Variants in NRXN2 observed in about 807,000 individuals in gnomAD.
NRXN2 encodes neurexin 2.
In NRXN2, 29 loss-of-function variants were observed where a neutral mutation model predicts 128.8. The ratio of observed to expected loss-of-function variants is 0.23; its 90% CI spans 0.17 to 0.31. The LOEUF (loss-of-function observed/expected upper bound fraction) is 0.31. Ranked by LOEUF, NRXN2 falls within the 10% of genes least tolerant of loss-of-function variation. The pLI, the probability that NRXN2 is intolerant of heterozygous loss-of-function variation, is 1.00. For synonymous variants in NRXN2, 1,098 were observed against 1,075.2 expected (o/e 1.02, Z -0.41); for missense variants, 1,881 against 2,452.6 (o/e 0.77, Z 4.92).
rs1241506744 is a variant in NRXN2 at position 64,631,896 on chromosome 11, C to T, written c.3586-1323G>A. On this transcript the variant is annotated intron_variant, in intron 18 of 22. Coordinates refer to ENST00000265459, the MANE Select transcript of NRXN2 (RefSeq NM_015080.4). This position sits in a 1 kb window ranked among gnomAD's most constrained non-coding sequence, Gnocchi z 4.8. ...TCCTGAACGCGGTCTCAGCCCTCCT[C>T]CCACACGGAACAGACACTCACACAG... is the stretch of plus-strand genomic sequence containing the variant. 6.6e-6 allele frequency among the ~76,000 whole-genome samples: 1 copy of T among 152,240 alleles called. No individual in the cohort carries two copies. Among genetic ancestry groups the T allele is most frequent in the East Asian group, 1.9e-4 (1 of 5,202 alleles).
intron 22 of NRXN2, among the ~76,000 whole-genome samples, chr11:64,610,158 C>T (rs904048690): frequency 6.6e-6 from 1 of 152,156 alleles, no homozygotes; most frequent in African/African-American, 2.4e-5. Context: ...TGCTGAGCTC[C>T]CCAGGCTGCT....
chr11:64,674,038 C>CA (rs34895531), intron 7 of NRXN2, among the ~76,000 whole-genome samples: 7,719 of 72,974 alleles, frequency 0.11, 777 homozygotes, highest in African/African-American at 0.3. Context: ...ACTCTGTCTC[C>CA]AAAAAAAAAA....
At chr11:64,643,366 GGGGGC>G in intron 17 of NRXN2, 1 of 680,686 alleles carries the variant, frequency 1.5e-6, no homozygotes, top group Non-Finnish European at 1.8e-6. Context: ...CGGGGGAGGG[GGGGGC>G]GGGAGAAGGG....
chr11:64,655,000 G>T (rs1007903238), intron 11 of NRXN2, among the ~76,000 whole-genome samples: 2 of 152,200 alleles, frequency 1.3e-5, no homozygotes, highest in South Asian at 2.1e-4. Context: ...TCAGAGAGGG[G>T]CAGTCTCCCG....
chr11:64,704,623 C>CACAGAGGGAGAGAGAGAGAGAGAG (rs1336665936), intron 2 of NRXN2, among the ~76,000 whole-genome samples: 3 of 81,206 alleles, frequency 3.7e-5, no homozygotes, highest in African/African-American at 1.4e-4. Flanking sequence ...CACACACACA[C>CACAGAGGGAGAGAGAGAGAGAGAG]AGAGAGAGAG....
intron 6 of NRXN2, among the ~76,000 whole-genome samples, chr11:64,683,977 A>G (rs1269448366): frequency 6.6e-6 from 1 of 152,102 alleles, no homozygotes; most frequent in East Asian, 1.9e-4. Context: ...AGGGTGTTTA[A>G]GGTTTCTGCT....
Position 64,676,996 on chromosome 11 carries a change from A to G in NRXN2, c.1194T>C (p.Tyr398=), listed in dbSNP as rs2051416656. 1.9e-6 allele frequency: 3 copies of G among 1,612,792 alleles called. No individual in the cohort carries two copies. Among genetic ancestry groups the G allele is most frequent in the Non-Finnish European group, 2.5e-6 (3 of 1,179,444 alleles). ...IGHAMVNKLH[Y]LVTISVDGIL... ...AGACAATTAGAGTGATATCTACCAGATAATGCAGTTTGTTTACCATAGCGT... is the reference window on the plus strand; with the variant it reads ...AGACAATTAGAGTGATATCTACCAGGTAATGCAGTTTGTTTACCATAGCGT... The change falls in exon 7 of 23, where the codon TAT becomes TAC. Residue 398 remains tyrosine, a synonymous_variant. Transcript: ENST00000265459.
intron 20 of NRXN2, among the ~76,000 whole-genome samples, chr11:64,624,599 C>T (rs2042842791): frequency 6.6e-6 from 1 of 152,252 alleles, no homozygotes; most frequent in Non-Finnish European, 1.5e-5. Flanking sequence ...AGAAGGATCA[C>T]AGTGGTCAAA....
chr11:64,699,799 G>A (rs959788105), intron 2 of NRXN2, among the ~76,000 whole-genome samples: 8 of 152,134 alleles, frequency 5.3e-5, no homozygotes, highest in African/African-American at 1.9e-4. Context: ...TTTGGCTCTC[G>A]TGAAGACTGC....
intron 17 of NRXN2, among the ~76,000 whole-genome samples, chr11:64,644,611 A>AC (rs2046354431): frequency 6.6e-6 from 1 of 152,158 alleles, no homozygotes; most frequent in East Asian, 1.9e-4. Context: ...CTTTCCCGTC[A>AC]CCGGGTCGTA....
chr11:64,650,740 G>A (rs2047346512), intron 14 of NRXN2, 102 bp from the exon 15 acceptor site: 4 of 1,160,958 alleles, frequency 3.4e-6, no homozygotes, highest in Non-Finnish European at 5.1e-6. Flanking sequence ...GGTGCCATGG[G>A]AAGAGGGATT....
intron 1 of NRXN2, among the ~76,000 whole-genome samples, chr11:64,721,187 G>A (rs886420498): frequency 1.2e-4 from 18 of 151,968 alleles, no homozygotes; most frequent in Admixed American, 1.1e-3. Context: ...CACCGAGCGC[G>A]TGTATCATTG....
intron 17 of NRXN2, chr11:64,642,664 GC>G: frequency 6.3e-7 from 1 of 1,574,886 alleles, no homozygotes; most frequent in Non-Finnish European, 8.6e-7. Context: ...CCCCTCGGCC[GC>G]CCCCAGCAGC....
intron 18 of NRXN2, among the ~76,000 whole-genome samples, chr11:64,634,596 G>C (rs2044412600): frequency 6.6e-6 from 1 of 152,162 alleles, no homozygotes; most frequent in African/African-American, 2.4e-5. Context: ...TCTCCCTGTG[G>C]AGCTGAGCAG....
At chr11:64,611,036 A>G (rs1464078980) in intron 22 of NRXN2, among the ~76,000 whole-genome samples, 4 of 152,142 alleles carry the variant, frequency 2.6e-5, no homozygotes, top group Non-Finnish European at 5.9e-5. Context: ...TCTGTCCTGG[A>G]GGCATGGCTT....
intron 3 of NRXN2, 94 bp downstream of exon 3, chr11:64,697,681 G>A: frequency 6.8e-7 from 1 of 1,468,568 alleles, no homozygotes; most frequent in Non-Finnish European, 9.5e-7. Context: ...AACATGGCAG[G>A]AAAGGGAGTC....
intron 17 of NRXN2, among the ~76,000 whole-genome samples, chr11:64,638,575 G>T (rs1014908864): frequency 1.3e-5 from 2 of 152,162 alleles, no homozygotes; most frequent in Non-Finnish European, 2.9e-5. Flanking sequence ...TAGGAGACAC[G>T]GAGCGCAAAA....
intron 7 of NRXN2, among the ~76,000 whole-genome samples, chr11:64,674,218 T>C (rs2051005976): frequency 6.6e-6 from 1 of 152,040 alleles, no homozygotes; most frequent in South Asian, 2.1e-4. Context: ...GAGATGGAGT[T>C]TCACTCTTGT....
chr11:64,651,579 A>G lies in NRXN2; in HGVS notation c.2594T>C (p.Met865Thr). 2 of 1,614,150 alleles carry G rather than the reference A, an allele frequency of 1.2e-6. No homozygotes were observed. Among genetic ancestry groups the G allele is most frequent in the Non-Finnish European group, 8.5e-7 (1 of 1,180,026 alleles). ...LEFHNIETGI[M>T]TERRFISVVP... is the part of the protein sequence containing the mutation. The stretch of plus-strand genomic sequence containing the variant: ...CACGGAGATAAACCGCCGCTCCGTC[A>G]TGATGCCCGTCTCAATGTTGTGGAA... The change falls in exon 14 of 23, where the codon ATG (methionine) becomes ACG (threonine). Residue 865 changes from methionine (M) to threonine (T), a missense_variant. Physicochemically the swap from Met to Thr is moderately conservative, Grantham distance 81. This residue lies in a region of NRXN2 where 390 missense variants were observed against 599.6 expected (regional missense o/e 0.65). Transcript: ENST00000265459. This position sits in a 1 kb window ranked among gnomAD's most constrained non-coding sequence, Gnocchi z 5.9.
Sources: gnomAD v4.1 joint callset for allele counts (sites outside exome capture counted in the v4.1 genomes callset) on GRCh38, gnomAD v4.1.1 for gene constraint, gnomAD v4.1.1 regional missense constraint, Gnocchi (gnomAD v3.1) non-coding constraint, MANE v1.5 for transcripts, NCBI Gene and HGNC (gene_info 2026-07-23, HGNC 2026-07-21) for gene names.